Variants in SLC9C1 observed in about 807,000 individuals in gnomAD.
SLC9C1 encodes sodium/hydrogen exchanger 10.
SLC9C1 carries 97 observed loss-of-function variants against 140.9 expected under a neutral mutation model. The observed-to-expected ratio is 0.69, with a 90% CI of 0.58 to 0.82. The LOEUF (loss-of-function observed/expected upper bound fraction) is 0.82, where lower values mean the gene tolerates loss of function less well. SLC9C1 is among the 40% of genes least tolerant of loss of function. The probability of loss-of-function intolerance (pLI) is 0.00; values close to 1 mark genes in which losing one functional copy is unlikely to be tolerated. For synonymous variants in SLC9C1, 440 were observed against 442.6 expected, an observed-to-expected ratio of 0.99 and a Z score of 0.07; for missense variants, 1,340 against 1,389.3, an observed-to-expected ratio of 0.96 and a Z score of 0.56.
intron 23 of SLC9C1, among the ~76,000 whole-genome samples, chr3:112,177,663 A>G (rs1006394874): frequency 1.3e-5 from 2 of 149,898 alleles, no homozygotes; most frequent in African/African-American, 4.9e-5. Context: ...TTACCTATAT[A>G]ACAAACCTGC....
intron 14 of SLC9C1, among the ~76,000 whole-genome samples, chr3:112,218,295 A>G (rs958312219): frequency 2.3e-4 from 35 of 151,990 alleles, no homozygotes; most frequent in South Asian, 8.3e-4. Context: ...TTTCATCGTC[A>G]TGATCAGAAG....
At position 112,277,699 on chromosome 3, in the gene SLC9C1, G is replaced by A. The variant is rs376210708; in HGVS notation, c.480C>T (p.Asp160=). The change falls in exon 5 of 29, where the codon GAC becomes GAT. Residue 160 remains aspartate, a synonymous_variant. Coordinates refer to ENST00000305815, the MANE Select transcript of SLC9C1 (RefSeq NM_183061.3). ...AAAAGAGAACAATATACCTACCAAG[G>A]TCTCTTATAGCAGCTGCGGTTAGCA... ...DPMLTAAAIR[D]LGLSRSLISL... 4 of 1,563,056 alleles carry A rather than the reference G, an allele frequency of 2.6e-6. No individual in the cohort carries two copies. The highest frequency in any genetic ancestry group is 2.8e-5 in the African/African-American group (2 of 72,236).
intron 11 of SLC9C1, 63 bp downstream of exon 11, chr3:112,243,932 G>A (rs1243429718): frequency 3.6e-6 from 4 of 1,111,846 alleles, no homozygotes; most frequent in Non-Finnish European, 5.2e-6. Context: ...TTTATTATTA[G>A]CACTTCTTTA....
chr3:112,145,833 C>G (rs1318067979), intron 28 of SLC9C1, among the ~76,000 whole-genome samples: 1 of 151,928 alleles, frequency 6.6e-6, no homozygotes, highest in Admixed American at 6.6e-5. Flanking sequence ...CAAGTCTTTC[C>G]TGTGTTGTTC....
chr3:112,208,684 A>T (rs1031664435), intron 15 of SLC9C1, among the ~76,000 whole-genome samples: 71 of 152,078 alleles, frequency 4.7e-4, no homozygotes, highest in African/African-American at 1.5e-3. Context: ...TCAAACTGGA[A>T]TTTTTTTTAA....
intron 28 of SLC9C1, chr3:112,151,274 A>G (rs78621718): frequency 0.053 from 26,505 of 504,252 alleles, 884 homozygotes; most frequent in South Asian, 0.086. Context: ...TACATTTTGA[A>G]CAGTTAACTG....
intron 15 of SLC9C1, among the ~76,000 whole-genome samples, chr3:112,209,327 CT>C (rs1053461357): frequency 3.3e-5 from 5 of 152,178 alleles, no homozygotes; most frequent in Non-Finnish European, 7.3e-5. Flanking sequence ...GAGTTTAAGC[CT>C]TGTTAACTTT....
At chr3:112,266,186 A>C in intron 8 of SLC9C1, 52 bp downstream of exon 8, 1 of 1,279,452 alleles carries the variant, frequency 7.8e-7, no homozygotes, top group Non-Finnish European at 1.1e-6. Flanking sequence ...TACTATTATA[A>C]TATTATAGCT....
intron 26 of SLC9C1, among the ~76,000 whole-genome samples, chr3:112,165,176 A>C (rs542513034): frequency 6.6e-6 from 1 of 152,114 alleles, no homozygotes; most frequent in East Asian, 1.9e-4. Context: ...CATTCGTCTA[A>C]GTTTTTTTCA....
chr3:112,277,550 A>C, intron 5 of SLC9C1, 145 bp downstream of exon 5: 1 of 639,004 alleles, frequency 1.6e-6, no homozygotes, highest in Non-Finnish European at 2.4e-6. Context: ...CATGACCTCC[A>C]GAATCTCTGC....
Position 112,169,292 on chromosome 3 carries a change from A to G in SLC9C1, c.2956T>C (p.Phe986Leu). The G allele has an allele frequency of 6.2e-7, 1 of 1,613,208 alleles. No individual in the cohort carries two copies. Among genetic ancestry groups the G allele is most frequent in the African/African-American group, 1.3e-5 (1 of 75,044 alleles). The change falls in exon 24 of 29, where the codon TTT (phenylalanine) becomes CTT (leucine). Residue 986 changes from phenylalanine (F) to leucine (L), a missense_variant. Coordinates refer to ENST00000305815, the MANE Select transcript of SLC9C1 (RefSeq NM_183061.3). ...FIPKTHLYDA[F>L]EQCSPLIKQK... ...TTAATGAGAGGAGAGCATTGCTCAA[A>G]AGCATCATACAAGTGAGTTTTGGGA...
chr3:112,213,631 G>T (rs1027422546), intron 15 of SLC9C1, among the ~76,000 whole-genome samples: 5 of 152,148 alleles, frequency 3.3e-5, no homozygotes, highest in African/African-American at 1.2e-4. Flanking sequence ...TAATGGTAAA[G>T]GGATCAATTC....
At chr3:112,250,429 G>A (rs1028388298) in intron 10 of SLC9C1, among the ~76,000 whole-genome samples, 1 of 135,858 alleles carries the variant, frequency 7.4e-6, no homozygotes, top group Non-Finnish European at 1.6e-5. Context: ...TATATACCTA[G>A]TAATGGGATG....
At chr3:112,262,647 C>T (rs1327641204) in intron 10 of SLC9C1, among the ~76,000 whole-genome samples, 1 of 151,858 alleles carries the variant, frequency 6.6e-6, no homozygotes, top group Non-Finnish European at 1.5e-5. Flanking sequence ...CTCTTGAGTG[C>T]AATAAATAAT....
intron 26 of SLC9C1, among the ~76,000 whole-genome samples, chr3:112,165,409 C>T (rs780182909): frequency 1.3e-5 from 2 of 152,002 alleles, no homozygotes; most frequent in African/African-American, 2.4e-5. Flanking sequence ...TTTTATCTAC[C>T]TTTGGTCTTT....
intron 13 of SLC9C1, among the ~76,000 whole-genome samples, chr3:112,227,299 A>G (rs896036469): frequency 3.3e-5 from 5 of 152,286 alleles, no homozygotes; most frequent in African/African-American, 7.2e-5. Flanking sequence ...AAAGAAAACT[A>G]TAGGCTAATA....
chr3:112,277,881 T>C, intron 4 of SLC9C1, 21 bp from the exon 5 acceptor site: 1 of 1,574,286 alleles, frequency 6.4e-7, no homozygotes, highest in Non-Finnish European at 8.6e-7. Flanking sequence ...ATTTTACAAT[T>C]AGAAAAATCA....
chr3:112,267,575 C>CAAAAAAAAAAAAAAA (rs71933510), intron 7 of SLC9C1, among the ~76,000 whole-genome samples: 1 of 56,850 alleles, frequency 1.8e-5, no homozygotes, highest in African/African-American at 7.0e-5. Flanking sequence ...GACTCCGTCT[C>CAAAAAAAAAAAAAAA]AAAAAAAAAA....
intron 10 of SLC9C1, among the ~76,000 whole-genome samples, chr3:112,255,599 T>C (rs1168129323): frequency 6.6e-6 from 1 of 152,000 alleles, no homozygotes; most frequent in African/African-American, 2.4e-5. Context: ...AAGAGAGAAA[T>C]TTATATCATG....
Sources: gnomAD v4.1 joint callset for allele counts (sites outside exome capture counted in the v4.1 genomes callset) on GRCh38, gnomAD v4.1.1 for gene constraint, MANE v1.5 for transcripts, NCBI Gene and HGNC (gene_info 2026-07-23, HGNC 2026-07-21) for gene names.